ATP8A1: variants seen among roughly 807,000 people sequenced by gnomAD.
ATP8A1 encodes ATPase phospholipid transporting 8A1, also known as phospholipid-transporting ATPase IA.
In ATP8A1, 90 loss-of-function variants were observed where a neutral mutation model predicts 177.7. That is an observed-to-expected ratio of 0.51 (90% CI 0.43 to 0.60). The LOEUF (loss-of-function observed/expected upper bound fraction) is 0.60. Among genes scored for constraint, ATP8A1 ranks in the 20% least tolerant of loss-of-function variants. The pLI is 0.00. For synonymous variants in ATP8A1, 493 were observed against 485.9 expected (o/e 1.01, Z -0.19); for missense variants, 1,072 against 1,392.8 (o/e 0.77, Z 3.67).
intron 16 of ATP8A1, among the ~76,000 whole-genome samples, chr4:42,555,141 T>C (rs74325843): frequency 3.9e-5 from 2 of 51,896 alleles, no homozygotes; most frequent in South Asian, 5.9e-4. Flanking sequence ...ATCTATCTAA[T>C]CTATCTATCT....
chr4:42,469,550 T>TA (rs1355008264), intron 25 of ATP8A1, among the ~76,000 whole-genome samples: 1 of 152,160 alleles, frequency 6.6e-6, no homozygotes, highest in Non-Finnish European at 1.5e-5. Context: ...TATAAGACAT[T>TA]AAAAATGAAT....
At position 42,500,351 on chromosome 4, in the gene ATP8A1, C is replaced by T. The variant is rs541926747; in HGVS notation, c.2151+3099G>A. ...CTGCACTCCAGCCTGGGTGACACAG[C>T]GAGACTCGGTCTCAAAAACAAAACA... is the stretch of plus-strand genomic sequence containing the variant. On this transcript the variant is annotated intron_variant, in intron 24 of 36. Transcript: ENST00000381668. 8.7e-5 allele frequency among the ~76,000 whole-genome samples: 13 copies of T among 149,596 alleles called. No individual in the cohort carries two copies. In the East Asian group the frequency reaches 1.6e-3, roughly 18 times the overall value.
rs762045949 is a variant in ATP8A1, at chr4:42,455,498, A to G, written c.2694+27T>C. 7.4e-6 allele frequency: 12 copies of G among 1,613,590 alleles called. No individual in the cohort carries two copies. The Admixed American group carries it at 2.0e-4, about 27-fold the overall frequency. ...TTATCTCCCAAGTATTCAATGAAACAGGAATTATCAAATGTCCTAAACTTA... is the reference window on the plus strand; with the variant it reads ...TTATCTCCCAAGTATTCAATGAAACGGGAATTATCAAATGTCCTAAACTTA... On this transcript the variant is annotated intron_variant, in intron 28 of 36. Transcript: ENST00000381668.
intron 5 of ATP8A1, among the ~76,000 whole-genome samples, chr4:42,610,931 A>G (rs1480072596): frequency 6.6e-6 from 1 of 151,984 alleles, no homozygotes; most frequent in Non-Finnish European, 1.5e-5. Flanking sequence ...AGGGAGCAAC[A>G]CTCTCTTTTT....
intron 22 of ATP8A1, among the ~76,000 whole-genome samples, chr4:42,518,746 T>G (rs2153197540): frequency 6.6e-6 from 1 of 152,276 alleles, no homozygotes; most frequent in Middle Eastern, 3.4e-3. Flanking sequence ...AAAAATAGAT[T>G]GCATAAACAG....
At chr4:42,557,316 T>C (rs892940329) in intron 15 of ATP8A1, among the ~76,000 whole-genome samples, 1 of 152,230 alleles carries the variant, frequency 6.6e-6, no homozygotes. Flanking sequence ...AAAGATAGCA[T>C]ATATTTATCC....
chr4:42,476,334 G>A (rs1010321933), intron 25 of ATP8A1, among the ~76,000 whole-genome samples: 1 of 152,208 alleles, frequency 6.6e-6, no homozygotes, highest in South Asian at 2.1e-4. Flanking sequence ...CAGAAGAGGC[G>A]GGGTGCAGTG....
At chr4:42,508,997 T>A (rs1167589016) in intron 22 of ATP8A1, among the ~76,000 whole-genome samples, 3 of 152,232 alleles carry the variant, frequency 2.0e-5, no homozygotes, top group African/African-American at 7.2e-5. Context: ...AGTGTGTGTA[T>A]ATGCATGCAT....
intron 33 of ATP8A1, among the ~76,000 whole-genome samples, chr4:42,427,715 G>A (rs1328676085): frequency 1.3e-5 from 2 of 152,236 alleles, no homozygotes; most frequent in East Asian, 1.9e-4. Context: ...AGCATCCCCT[G>A]AAAAGGGCCC....
intron 1 of ATP8A1, among the ~76,000 whole-genome samples, chr4:42,652,794 C>T (rs574266331): frequency 1.1e-4 from 17 of 152,322 alleles, no homozygotes; most frequent in Non-Finnish European, 2.2e-4. Context: ...CTTCACTTTC[C>T]GCCATGACTG....
At chr4:42,465,192 C>A in intron 25 of ATP8A1, 116 bp from the exon 26 acceptor site, 4 of 899,734 alleles carry the variant, frequency 4.4e-6, no homozygotes, top group Non-Finnish European at 3.3e-6. Context: ...CTGAAGAAAC[C>A]TTATGATAAA....
At chr4:42,571,147 T>C (rs1273651555) in intron 14 of ATP8A1, among the ~76,000 whole-genome samples, 4 of 152,142 alleles carry the variant, frequency 2.6e-5, no homozygotes, top group Non-Finnish European at 5.9e-5. Context: ...TGTAGCAAGA[T>C]CTTGGGGGAT....
intron 1 of ATP8A1, among the ~76,000 whole-genome samples, chr4:42,655,305 A>G (rs1741504299): frequency 6.6e-6 from 1 of 152,256 alleles, no homozygotes; most frequent in Admixed American, 6.5e-5. Context: ...TTGTAAAAGT[A>G]CTTTGGAAAA....
At chr4:42,454,043 T>C (rs1298297965) in intron 29 of ATP8A1, among the ~76,000 whole-genome samples, 1 of 152,170 alleles carries the variant, frequency 6.6e-6, no homozygotes, top group Non-Finnish European at 1.5e-5. Flanking sequence ...ATAGTATTAG[T>C]TTTAAGAGAG....
At chr4:42,588,212 A>G (rs1733820585) in intron 8 of ATP8A1, 48 bp downstream of exon 8, 2 of 1,457,032 alleles carry the variant, frequency 1.4e-6, no homozygotes, top group East Asian at 2.3e-5. Flanking sequence ...TCTTAATTCC[A>G]TGTAATAAAA....
At chr4:42,522,054 T>C in intron 22 of ATP8A1, 106 bp downstream of exon 22, 1 of 1,268,848 alleles carries the variant, frequency 7.9e-7, no homozygotes, top group East Asian at 2.4e-5. Flanking sequence ...CAATAGTGAA[T>C]GGTATGTCAA....
At chr4:42,535,923 T>A (rs941905477) in intron 20 of ATP8A1, among the ~76,000 whole-genome samples, 4 of 152,114 alleles carry the variant, frequency 2.6e-5, no homozygotes, top group African/African-American at 9.7e-5. Context: ...TGAATAATAG[T>A]GACACAAACT....
intron 1 of ATP8A1, among the ~76,000 whole-genome samples, chr4:42,644,259 G>A (rs1015752453): frequency 2.0e-5 from 3 of 152,164 alleles, no homozygotes; most frequent in Admixed American, 2.0e-4. Context: ...ATAAGTTCAA[G>A]GGGGATTCAA....
At chr4:42,506,876 G>A (rs779735312) in intron 23 of ATP8A1, 140 bp downstream of exon 23, 4 of 994,308 alleles carry the variant, frequency 4.0e-6, no homozygotes, top group Non-Finnish European at 6.0e-6. Flanking sequence ...AGGCAGAGAT[G>A]CAATGGTGAA....
Sources: gnomAD v4.1 joint callset for allele counts (sites outside exome capture counted in the v4.1 genomes callset) on GRCh38, gnomAD v4.1.1 for gene constraint, MANE v1.5 for transcripts, NCBI Gene and HGNC (gene_info 2026-07-23, HGNC 2026-07-21) for gene names.